Variants in LRRC39 observed in about 807,000 individuals in gnomAD.
LRRC39 encodes the protein leucine-rich repeat-containing protein 39.
Under a neutral mutation model 39.7 loss-of-function variants are expected in LRRC39, and 35 were observed. The ratio of observed to expected loss-of-function variants is 0.88; its 90% confidence interval spans 0.67 to 1.17. The LOEUF (loss-of-function observed/expected upper bound fraction) is 1.17, where lower values mean the gene tolerates loss of function less well. Ranked by LOEUF, LRRC39 falls within the 50% of genes most tolerant of loss-of-function variation. The probability of loss-of-function intolerance (pLI) is 0.00; values close to 1 mark genes in which losing one functional copy is unlikely to be tolerated. For synonymous variants in LRRC39, 113 were observed against 134.1 expected (o/e 0.84, Z 1.09); for missense variants, 357 against 385.8 (o/e 0.93, Z 0.62).
In LRRC39 at chr1:100,148,918, A is replaced by G. The variant is rs1028232740; in HGVS notation, c.*124T>C. 4 of 1,135,088 alleles carry G rather than the reference A, an allele frequency of 3.5e-6. No individual in the cohort carries two copies. The Admixed American group carries it at 1.0e-4, about 29-fold the overall frequency. 70.3% of individuals were successfully genotyped at this position (1,135,088 alleles called of 1,614,324 possible). ...ATATATACTTTAAATAGCAAATAATATGAACTTTAAAAAATGCTGTGGCCT... is the reference window on the plus strand; with the variant it reads ...ATATATACTTTAAATAGCAAATAATGTGAACTTTAAAAAATGCTGTGGCCT... On this transcript the variant is annotated 3_prime_UTR_variant, in exon 10 of 10. Coordinates refer to ENST00000370137, the MANE Select transcript of LRRC39 (RefSeq NM_144620.4).
chr1:100,152,633 G>T, intron 8 of LRRC39, 109 bp from the exon 9 acceptor site: 12 of 1,155,638 alleles, frequency 1.0e-5, no homozygotes, highest in East Asian at 2.5e-5. Flanking sequence ...TTTTTAACTG[G>T]TTTCAATAAC....
chr1:100,167,799 T>A (rs1194146941), intron 3 of LRRC39, among the ~76,000 whole-genome samples: 1 of 144,218 alleles, frequency 6.9e-6, no homozygotes, highest in African/African-American at 2.5e-5. Context: ...ATAATAATAA[T>A]AATAATAATA....
At chr1:100,174,108 T>C (rs138677233) in intron 1 of LRRC39, among the ~76,000 whole-genome samples, 172 of 152,298 alleles carry the variant, frequency 1.1e-3, no homozygotes, top group African/African-American at 3.9e-3. Flanking sequence ...ATTCTAAGGA[T>C]ACAAAATAGC....
intron 2 of LRRC39, among the ~76,000 whole-genome samples, chr1:100,169,514 T>C (rs1200834561): frequency 2.0e-5 from 3 of 152,124 alleles, no homozygotes; most frequent in Non-Finnish European, 4.4e-5. Context: ...TTTGAAGTTA[T>C]TCGCAGTGTT....
At chr1:100,158,059 A>G (rs887757438) in intron 6 of LRRC39, among the ~76,000 whole-genome samples, 172 bp downstream of exon 6, 2 of 152,234 alleles carry the variant, frequency 1.3e-5, no homozygotes, top group African/African-American at 2.4e-5. Context: ...TTTACACTAA[A>G]TCTTTCTCCA....
chr1:100,149,462 C>A, intron 9 of LRRC39: 1 of 1,530,078 alleles, frequency 6.5e-7, no homozygotes, highest in South Asian at 1.3e-5. Context: ...AAGATTATTT[C>A]ACTTAATTAT....
chr1:100,159,249 T>G lies in LRRC39; in HGVS notation c.376+10A>C, dbSNP rs1557924998. The G allele has an allele frequency of 6.3e-7, 1 of 1,579,246 alleles. No individual in the cohort carries two copies. Among genetic ancestry groups the G allele is most frequent in the African/African-American group, 1.4e-5 (1 of 73,014 alleles). ...TAAAATAGCACAGGAATAAAAGTAA[T>G]CTTTCTTACCAATCCCTGGTGGTAT... On this transcript the variant is annotated intron_variant, in intron 5 of 9. Transcript: ENST00000370137.
chr1:100,152,561 T>C, intron 8 of LRRC39, 37 bp from the exon 9 acceptor site: 1 of 1,600,142 alleles, frequency 6.2e-7, no homozygotes, highest in Non-Finnish European at 8.5e-7. Context: ...TTTATAGGTG[T>C]CATGGAAGTG....
chr1:100,150,527 C>T (rs1052543374), intron 9 of LRRC39: 1 of 152,118 alleles, frequency 6.6e-6, no homozygotes, highest in African/African-American at 2.4e-5. Context: ...ATAAAATATA[C>T]ATACACACCC....
chr1:100,169,377 A>C (rs1205958518), intron 2 of LRRC39, among the ~76,000 whole-genome samples: 2 of 152,108 alleles, frequency 1.3e-5, no homozygotes, highest in Admixed American at 6.5e-5. Context: ...ATTTGCAACA[A>C]CATAGGGAAA....
intron 2 of LRRC39, among the ~76,000 whole-genome samples, chr1:100,170,031 C>A (rs930067167): frequency 6.6e-6 from 1 of 151,972 alleles, no homozygotes; most frequent in African/African-American, 2.4e-5. Context: ...AAAGGTTGTC[C>A]AGTTAAAGAA....
At position 100,155,129 on chromosome 1, in the gene LRRC39, T is replaced by G; in HGVS notation, c.734A>C (p.Lys245Thr). 2.5e-6 allele frequency: 4 copies of G among 1,611,452 alleles called. No individual in the cohort carries two copies. The highest frequency in any genetic ancestry group is 3.4e-6 in the Non-Finnish European group (4 of 1,178,936). ...GCTGAGAACAAGAGTACCCAGATTT[T>G]TCATATTGCTGATTGTTTGAGGCAA... ...TCLPQTISNM[K>T]NLGTLVLSNN... Residue 245 changes from lysine (K) to threonine (T), a missense_variant, in exon 8 of 10, where the codon AAA (lysine) becomes ACA (threonine). Lys to Thr is a moderately conservative substitution (Grantham distance 78). Coordinates refer to ENST00000370137, the MANE Select transcript of LRRC39 (RefSeq NM_144620.4).
At chr1:100,155,599 A>T (rs560998311) in intron 7 of LRRC39, among the ~76,000 whole-genome samples, 1 of 152,342 alleles carries the variant, frequency 6.6e-6, no homozygotes, top group Admixed American at 6.5e-5. Flanking sequence ...TTCTCATAGG[A>T]TTTCTTGAAG....
At chr1:100,176,505 CTG>C (rs1359316532) in intron 1 of LRRC39, among the ~76,000 whole-genome samples, 3 of 152,158 alleles carry the variant, frequency 2.0e-5, no homozygotes, top group Non-Finnish European at 2.9e-5. Context: ...GGGGAAAAAA[CTG>C]TGTGACATTG....
chr1:100,148,753 T>A lies in LRRC39; in HGVS notation c.*289A>T. The A allele has an allele frequency of 6.4e-7, 1 of 1,572,698 alleles. No individual in the cohort carries two copies. The highest frequency in any genetic ancestry group is 8.6e-7 in the Non-Finnish European group (1 of 1,163,358). On this transcript the variant is annotated 3_prime_UTR_variant, in exon 10 of 10. Transcript: ENST00000370137. ...TTGCAGTACTATACAGACCCTCTGGTGTCTTTGGAAAATGTTTTGTTAACT... is the reference window on the plus strand; with the variant it reads ...TTGCAGTACTATACAGACCCTCTGGAGTCTTTGGAAAATGTTTTGTTAACT...
intron 9 of LRRC39, 145 bp downstream of exon 9, chr1:100,152,240 A>G (rs1658096492): frequency 2.4e-6 from 2 of 835,140 alleles, no homozygotes; most frequent in Non-Finnish European, 3.5e-6. Flanking sequence ...TCTTCCCACA[A>G]TATTGACTAA....
At position 100,168,395 on chromosome 1, in the gene LRRC39, T is replaced by G; in HGVS notation, c.113+9A>C. 2 of 1,573,486 alleles carry G rather than the reference T, an allele frequency of 1.3e-6. No homozygotes were observed. Among genetic ancestry groups the G allele is most frequent in the South Asian group, 1.1e-5 (1 of 87,182 alleles). On this transcript the variant is annotated intron_variant, in intron 3 of 9. Coordinates refer to ENST00000370137, the MANE Select transcript of LRRC39 (RefSeq NM_144620.4). Reference sequence around the variant, plus strand: ...ACTAATTCAAAATAATAAATATGTTTTAGCATACTTGTGTTGAAATTCCTT... The same window carrying G: ...ACTAATTCAAAATAATAAATATGTTGTAGCATACTTGTGTTGAAATTCCTT...
intron 2 of LRRC39, among the ~76,000 whole-genome samples, chr1:100,171,487 T>C (rs1181199728): frequency 6.7e-6 from 1 of 150,336 alleles, no homozygotes; most frequent in Admixed American, 6.7e-5. Context: ...GAAACACACT[T>C]TTTTTTTTCT....
chr1:100,168,080 T>C (rs1238407506), intron 3 of LRRC39, among the ~76,000 whole-genome samples: 2 of 151,990 alleles, frequency 1.3e-5, no homozygotes, highest in African/African-American at 4.8e-5. Context: ...TACTGTCAAA[T>C]GTTGTTTTAG....
Sources: gnomAD v4.1 joint callset for allele counts (sites outside exome capture counted in the v4.1 genomes callset) on GRCh38, gnomAD v4.1.1 for gene constraint, MANE v1.5 for transcripts, NCBI Gene and HGNC (gene_info 2026-07-23, HGNC 2026-07-21) for gene names.